NHS: variants seen among roughly 807,000 people sequenced by gnomAD.
The protein encoded by NHS is NHS actin remodeling regulator.
NHS carries 5 observed loss-of-function variants against 72.5 expected under a neutral mutation model. The observed-to-expected ratio is 0.07, with a 90% CI of 0.04 to 0.14. The LOEUF is 0.14. Among genes scored for constraint, NHS ranks in the 10% least tolerant of loss-of-function variants. The pLI is 1.00. For missense variants in NHS, 1,072 were observed against 1,355.7 expected, an observed-to-expected ratio of 0.79 and a Z score of 3.29; for synonymous variants, 464 against 547.7, an observed-to-expected ratio of 0.85 and a Z score of 2.13.
chrX:17,432,930 G>A (rs141908386), intron 1 of NHS, among the ~76,000 whole-genome samples: 5,248 of 112,094 alleles, frequency 0.047, 108 homozygotes, highest in South Asian at 0.098. Flanking sequence ...TGTGAGTTCA[G>A]TTCAAAGAAC....
intron 1 of NHS, among the ~76,000 whole-genome samples, chrX:17,613,331 C>T (rs947035970): frequency 8.1e-5 from 9 of 111,771 alleles, no homozygotes; most frequent in African/African-American, 2.9e-4. Context: ...TGAGATCGTG[C>T]CTTTGGTCTT....
At chrX:17,383,727 G>A (rs1726228416) in intron 1 of NHS, among the ~76,000 whole-genome samples, 1 of 111,704 alleles carries the variant, frequency 9.0e-6, no homozygotes, top group Admixed American at 9.5e-5. Flanking sequence ...CTCTTACATT[G>A]GGGATTATAA....
At chrX:17,462,065 T>C (rs1437217682) in intron 1 of NHS, among the ~76,000 whole-genome samples, 1 of 111,191 alleles carries the variant, frequency 9.0e-6, no homozygotes, top group Non-Finnish European at 1.9e-5. Flanking sequence ...TACATCATGA[T>C]GGGAGATCTG....
chrX:17,721,429 C>T lies in NHS; in HGVS notation c.916-12C>T. On this transcript the variant is annotated splice_polypyrimidine_tract_variant and intron_variant, in intron 4 of 8. Transcript: ENST00000676302. The stretch of plus-strand genomic sequence containing the variant: ...ACTATGATGGCTGAACCTGATTGTA[C>T]TTTGTTTGCAGTCCCATCCCCCAGA... 1 of 1,209,308 alleles carries T rather than the reference C, an allele frequency of 8.3e-7. No individual in the cohort carries two copies. Among genetic ancestry groups the T allele is most frequent in the Non-Finnish European group, 1.1e-6 (1 of 893,477 alleles).
rs760577193 is a variant in NHS, at chrX:17,572,491, C to CTTTT, written c.566-115232_566-115229dup. On this transcript the variant is annotated intron_variant, in intron 1 of 8. Coordinates refer to ENST00000676302, the MANE Select transcript of NHS (RefSeq NM_001291867.2). ...TCAGAGACCAGGACTGCAACCCCTG[C>CTTTT]TTTTTTTTTTTTTTTTTTTTTTGCT... Among the ~76,000 whole-genome samples, 345 of 46,688 alleles carry CTTTT rather than the reference C, an allele frequency of 7.4e-3. 17 individuals carry two copies. The highest frequency in any genetic ancestry group is 0.028 in the African/African-American group (217 of 7,634). 40.5% of individuals were successfully genotyped at this position (46,688 alleles called of 115,157 possible). A position where few individuals can be genotyped will look rare whatever the true frequency, so the allele number is the denominator to read the frequency against.
chrX:17,627,491 T>C (rs2065803487), intron 1 of NHS, among the ~76,000 whole-genome samples: 1 of 112,068 alleles, frequency 8.9e-6, no homozygotes, highest in Admixed American at 9.5e-5. Flanking sequence ...AGGAGTTACA[T>C]AACTAATACA....
intron 1 of NHS, among the ~76,000 whole-genome samples, chrX:17,418,551 G>A (rs1374139494): frequency 8.9e-6 from 1 of 111,961 alleles, no homozygotes; most frequent in Non-Finnish European, 1.9e-5. Context: ...CAATGCCAAG[G>A]AGGCCAGAAA....
intron 3 of NHS, among the ~76,000 whole-genome samples, chrX:17,697,719 ATGT>A (rs2066239307): frequency 9.0e-6 from 1 of 111,640 alleles, no homozygotes; most frequent in Non-Finnish European, 1.9e-5. Flanking sequence ...GCAATTTTAA[ATGT>A]TGTGACAACA....
At chrX:17,665,359 C>T (rs888215267) in intron 1 of NHS, among the ~76,000 whole-genome samples, 10 of 78,186 alleles carry the variant, frequency 1.3e-4, no homozygotes, top group Admixed American at 1.9e-4. Flanking sequence ...GACGGAGTCT[C>T]GCTGTCGCCC....
intron 1 of NHS, among the ~76,000 whole-genome samples, chrX:17,598,384 A>T (rs372743046): frequency 3.1e-4 from 35 of 112,649 alleles, no homozygotes; most frequent in African/African-American, 1.1e-3. Context: ...CTCCTTTCTT[A>T]TTTCCTTAAC....
At chrX:17,426,238 C>T (rs1399456321) in intron 1 of NHS, among the ~76,000 whole-genome samples, 1 of 112,011 alleles carries the variant, frequency 8.9e-6, no homozygotes, top group Non-Finnish European at 1.9e-5. Context: ...GGGTCCCCAC[C>T]ACCCATGCTT....
chrX:17,561,852 G>T (rs1236842667), intron 1 of NHS, among the ~76,000 whole-genome samples: 1 of 109,260 alleles, frequency 9.2e-6, no homozygotes, highest in Non-Finnish European at 1.9e-5. Context: ...GGTCTTAAGG[G>T]GTTGTGAGAG....
At chrX:17,567,594 G>A (rs1013233667) in intron 1 of NHS, among the ~76,000 whole-genome samples, 1 of 111,536 alleles carries the variant, frequency 9.0e-6, no homozygotes, top group South Asian at 3.7e-4. Context: ...TCCCCTCCAC[G>A]TATTGCCTAT....
chrX:17,544,203 G>A (rs2065278622), intron 1 of NHS, among the ~76,000 whole-genome samples: 1 of 112,200 alleles, frequency 8.9e-6, no homozygotes, highest in African/African-American at 3.2e-5. Context: ...CCATTTTATA[G>A]ATAAACAAAT....
At chrX:17,657,862 A>T (rs992324026) in intron 1 of NHS, among the ~76,000 whole-genome samples, 1 of 112,892 alleles carries the variant, frequency 8.9e-6, no homozygotes, top group Non-Finnish European at 1.9e-5. Context: ...AGAGGGACAA[A>T]AGGGGCCAGG....
intron 1 of NHS, among the ~76,000 whole-genome samples, chrX:17,468,553 TTTAC>T (rs746008448): frequency 4.5e-5 from 5 of 110,385 alleles, no homozygotes; most frequent in Non-Finnish European, 9.5e-5. Flanking sequence ...TGTTTATTTA[TTTAC>T]TTACTTACTT....
At chrX:17,548,753 A>T (rs1384109061) in intron 1 of NHS, among the ~76,000 whole-genome samples, 1 of 111,697 alleles carries the variant, frequency 9.0e-6, no homozygotes, top group African/African-American at 3.3e-5. Context: ...CAGAGGACTC[A>T]CAGAAGCCCA....
chrX:17,699,672 G>A (rs2066250556), intron 3 of NHS, among the ~76,000 whole-genome samples: 1 of 111,674 alleles, frequency 9.0e-6, no homozygotes, highest in Admixed American at 9.5e-5. Context: ...TATGTTCCCT[G>A]AGGGGATAAA....
intron 1 of NHS, among the ~76,000 whole-genome samples, chrX:17,535,244 T>C (rs2146945819): frequency 8.9e-6 from 1 of 111,948 alleles, no homozygotes; most frequent in East Asian, 2.8e-4. Flanking sequence ...AAAATGATGG[T>C]CACAGGTTGC....
Sources: allele counts gnomAD v4.1 joint callset (sites outside exome capture counted in the v4.1 genomes callset), GRCh38; gene constraint gnomAD v4.1.1; transcripts MANE v1.5; gene names NCBI Gene and HGNC (gene_info 2026-07-23, HGNC 2026-07-21).